Variants in SNRPB2 observed in about 807,000 individuals in gnomAD.
SNRPB2 encodes U2 small nuclear ribonucleoprotein B''.
Under a neutral mutation model 26.3 loss-of-function variants are expected in SNRPB2, and 16 were observed. That is an observed-to-expected ratio of 0.61 (90% CI 0.41 to 0.92). SNRPB2 has a LOEUF of 0.92. SNRPB2 is among the 40% of genes least tolerant of loss of function. The pLI, the probability that SNRPB2 is intolerant of heterozygous loss-of-function variation, is 0.00. For missense variants in SNRPB2, 179 were observed against 268.1 expected (o/e 0.67, Z 2.32); for synonymous variants, 75 against 89.0 (o/e 0.84, Z 0.88).
At chr20:16,739,166 C>G (rs769658300) in intron 5 of SNRPB2, among the ~76,000 whole-genome samples, 1 of 152,180 alleles carries the variant, frequency 6.6e-6, no homozygotes, top group Non-Finnish European at 1.5e-5. Context: ...ACTTTAAACT[C>G]TAAGGGCTGG....
chr20:16,735,260 AT>A (rs766179102), intron 3 of SNRPB2, among the ~76,000 whole-genome samples: 2 of 149,706 alleles, frequency 1.3e-5, no homozygotes, highest in Non-Finnish European at 3.0e-5. Context: ...AATTCTTGTT[AT>A]ACGAGGCAAT....
intron 2 of SNRPB2, 91 bp from the exon 3 acceptor site, chr20:16,732,073 G>A (rs1338097792): frequency 6.7e-6 from 5 of 744,152 alleles, no homozygotes; most frequent in Middle Eastern, 3.8e-4. Flanking sequence ...TAAGTGAATG[G>A]TGGGGGGGGC....
intron 3 of SNRPB2, among the ~76,000 whole-genome samples, chr20:16,733,193 C>T (rs140093806): frequency 1.1e-3 from 170 of 152,312 alleles, no homozygotes; most frequent in African/African-American, 3.7e-3. Flanking sequence ...TTACCACCTC[C>T]GGTAAACAAA....
In SNRPB2 at chr20:16,730,079, C is replaced by G. The variant is rs28372903; in HGVS notation, c.-121C>G. ...GTAGGCCTTAGGTGGGTTCGTGCGC[C>G]TTCTACCTCGCTGTTTCGGTTTTCC... On this transcript the variant is annotated 5_prime_UTR_variant, in exon 1 of 7. Transcript: ENST00000246071. 1 of 152,606 alleles carries G rather than the reference C, an allele frequency of 6.6e-6. No individual in the cohort carries two copies. The highest frequency in any genetic ancestry group is 2.4e-5 in the African/African-American group (1 of 41,574). The allele number at this position is 152,606 out of a possible 1,614,324, so 9.5% of individuals were successfully genotyped here.
In SNRPB2 at chr20:16,741,015, T is replaced by C. The variant is rs2072459343; in HGVS notation, c.*10T>C. On this transcript the variant is annotated 3_prime_UTR_variant, in exon 7 of 7. Coordinates refer to ENST00000246071, the MANE Select transcript of SNRPB2 (RefSeq NM_003092.5). ...CTATGCCAAGAAATAACATTTGGGA[T>C]AGTCGTCTTTAAAAGACTTGGTGTT... is the stretch of plus-strand genomic sequence containing the variant. 1.3e-6 allele frequency: 2 copies of C among 1,585,632 alleles called. No individual in the cohort carries two copies. Among genetic ancestry groups the C allele is most frequent in the Non-Finnish European group, 1.7e-6 (2 of 1,159,536 alleles).
intron 3 of SNRPB2, 40 bp from the exon 4 acceptor site, chr20:16,737,221 T>C: frequency 1.3e-6 from 2 of 1,518,212 alleles, no homozygotes; most frequent in Non-Finnish European, 1.8e-6. Flanking sequence ...TAAACATCCT[T>C]CAGCATGAGA....
At chr20:16,735,676 TG>T (rs1477995604) in intron 3 of SNRPB2, among the ~76,000 whole-genome samples, 6 of 152,254 alleles carry the variant, frequency 3.9e-5, no homozygotes, top group Non-Finnish European at 8.8e-5. Context: ...AATACTATCT[TG>T]GACAAGTTTT....
At position 16,740,312 on chromosome 20, in the gene SNRPB2, T is replaced by C; in HGVS notation, c.430-13T>C. On this transcript the variant is annotated splice_polypyrimidine_tract_variant and intron_variant, in intron 5 of 6. Transcript: ENST00000246071. ...AACTTACAAGCTAACTTTGCCTTTTTACTTTTTAATAGGTCCCTGATTACC... is the reference window on the plus strand; with the variant it reads ...AACTTACAAGCTAACTTTGCCTTTTCACTTTTTAATAGGTCCCTGATTACC... 6.2e-7 allele frequency: 1 copy of C among 1,608,852 alleles called. No individual in the cohort carries two copies. Among genetic ancestry groups the C allele is most frequent in the Non-Finnish European group, 8.5e-7 (1 of 1,177,968 alleles).
chr20:16,733,119 G>GT (rs1478201378), intron 3 of SNRPB2, among the ~76,000 whole-genome samples: 1 of 152,202 alleles, frequency 6.6e-6, no homozygotes, highest in African/African-American at 2.4e-5. Context: ...AAGGGCCAGG[G>GT]TTTAGAGGAG....
intron 1 of SNRPB2, chr20:16,730,434 G>A (rs542439864): frequency 6.6e-6 from 1 of 152,452 alleles, no homozygotes; most frequent in South Asian, 2.1e-4. Flanking sequence ...GTAATTCAGG[G>A]TGTCCCTGTA....
At chr20:16,736,336 G>C (rs970051299) in intron 3 of SNRPB2, among the ~76,000 whole-genome samples, 2 of 152,080 alleles carry the variant, frequency 1.3e-5, no homozygotes, top group African/African-American at 4.8e-5. Context: ...AGCATGAGGG[G>C]ATTTTTAGGT....
At chr20:16,734,025 T>G (rs547092334) in intron 3 of SNRPB2, among the ~76,000 whole-genome samples, 9 of 152,270 alleles carry the variant, frequency 5.9e-5, no homozygotes, top group Admixed American at 5.9e-4. Flanking sequence ...CATCTAAAAT[T>G]ATATTAACTT....
chr20:16,732,446 T>C, intron 3 of SNRPB2, 110 bp downstream of exon 3: 2 of 652,164 alleles, frequency 3.1e-6, no homozygotes, highest in Non-Finnish European at 5.2e-6. Flanking sequence ...CTTTTAATTA[T>C]GTGTGTTTGG....
At chr20:16,735,557 A>G (rs1313802398) in intron 3 of SNRPB2, among the ~76,000 whole-genome samples, 1 of 152,186 alleles carries the variant, frequency 6.6e-6, no homozygotes, top group East Asian at 1.9e-4. Flanking sequence ...TAACATTACC[A>G]TCTTCTTTGT....
At chr20:16,738,623 A>G (rs185644284) in intron 4 of SNRPB2, among the ~76,000 whole-genome samples, 30 of 152,224 alleles carry the variant, frequency 2.0e-4, no homozygotes, top group South Asian at 1.4e-3. Context: ...AAATTTTATA[A>G]TATACTATTT....
Position 16,737,537 on chromosome 20 carries a change from C to T in SNRPB2, c.378+136C>T, listed in dbSNP as rs2072434615. On this transcript the variant is annotated intron_variant, in intron 4 of 6. Transcript: ENST00000246071. ...GTGTTTAAAAGGTGGTTTTAAGAAG[C>T]TAGAATGGTTGACTTATAAAATTCA... 5.9e-6 allele frequency: 4 copies of T among 677,978 alleles called. No individual in the cohort carries two copies. In the East Asian group the frequency reaches 8.9e-5, roughly 15 times the overall value. The allele number at this position is 677,978 out of a possible 1,614,324, so 42.0% of individuals were successfully genotyped here.
At chr20:16,731,419 A>G (rs1037150555) in intron 1 of SNRPB2, among the ~76,000 whole-genome samples, 5 of 152,238 alleles carry the variant, frequency 3.3e-5, no homozygotes, top group African/African-American at 1.2e-4. Flanking sequence ...GTGTAAAAAT[A>G]AATGTGTTGA....
chr20:16,738,046 A>C (rs1401360813), intron 4 of SNRPB2, among the ~76,000 whole-genome samples: 3 of 142,610 alleles, frequency 2.1e-5, no homozygotes. Flanking sequence ...CTCAAAAAAA[A>C]AAAAAGAAAA....
chr20:16,742,153 C>G lies in SNRPB2; in HGVS notation c.*1148C>G, dbSNP rs2072467103. On this transcript the variant is annotated 3_prime_UTR_variant, in exon 7 of 7. Coordinates refer to ENST00000246071, the MANE Select transcript of SNRPB2 (RefSeq NM_003092.5). ...TAACTTTGTCACAGTTAGTCTGACT[C>G]TTCTGAATAACTTTTTTAATCCCAG... 1 of 152,144 alleles carries G rather than the reference C, an allele frequency of 6.6e-6. No individual in the cohort carries two copies. The highest frequency in any genetic ancestry group is 2.1e-4 in the South Asian group (1 of 4,834). The allele number at this position is 152,144 out of a possible 1,614,324, so 9.4% of individuals were successfully genotyped here. A position where few individuals can be genotyped will look rare whatever the true frequency, so the allele number is the denominator to read the frequency against.
Sources: allele counts gnomAD v4.1 joint callset (sites outside exome capture counted in the v4.1 genomes callset), GRCh38; gene constraint gnomAD v4.1.1; transcripts MANE v1.5; gene names NCBI Gene and HGNC (gene_info 2026-07-23, HGNC 2026-07-21).